The following CNTN5 variants were observed in gnomAD, a reference collection of about 807,000 sequenced individuals.
CNTN5 encodes contactin 5.
CNTN5 carries 77 observed loss-of-function variants against 129.1 expected under a neutral mutation model. The observed-to-expected ratio is 0.60, with a 90% CI of 0.50 to 0.72. The LOEUF (loss-of-function observed/expected upper bound fraction) is 0.72, where lower values mean the gene tolerates loss of function less well. Among genes scored for constraint, CNTN5 ranks in the 30% least tolerant of loss-of-function variants. The pLI, the probability that CNTN5 is intolerant of heterozygous loss-of-function variation, is 0.00. For synonymous variants in CNTN5, 509 were observed against 465.6 expected (o/e 1.09, Z -1.20); for missense variants, 1,478 against 1,328.8 (o/e 1.11, Z -1.75).
At chr11:99,217,011 C>T (rs912824636) in intron 1 of CNTN5, among the ~76,000 whole-genome samples, 12 of 152,118 alleles carry the variant, frequency 7.9e-5, no homozygotes, top group African/African-American at 2.9e-4. Context: ...GGTGAAACTC[C>T]GTCTCTACTA....
At chr11:99,201,022 C>CTTTTTT (rs755605041) in intron 1 of CNTN5, among the ~76,000 whole-genome samples, 4 of 83,168 alleles carry the variant, frequency 4.8e-5, no homozygotes, top group African/African-American at 4.6e-5. Flanking sequence ...TCCTTCCTTC[C>CTTTTTT]TTTTTTTTTT....
At chr11:99,037,530 G>A (rs1184814073) in intron 1 of CNTN5, among the ~76,000 whole-genome samples, 5 of 146,134 alleles carry the variant, frequency 3.4e-5, no homozygotes, top group Non-Finnish European at 6.0e-5. Context: ...ATCATTTTCT[G>A]CCAAAATTAA....
intron 13 of CNTN5, among the ~76,000 whole-genome samples, chr11:100,146,518 C>A (rs1481625283): frequency 6.6e-6 from 1 of 152,062 alleles, no homozygotes; most frequent in Non-Finnish European, 1.5e-5. Context: ...AAGAAACATT[C>A]TCTCATTATT....
intron 7 of CNTN5, among the ~76,000 whole-genome samples, chr11:99,921,221 G>A (rs1949930844): frequency 6.6e-6 from 1 of 152,146 alleles, no homozygotes; most frequent in Non-Finnish European, 1.5e-5. Context: ...CAAAGCCAAA[G>A]TCCCTACCAT....
rs116411412 is a variant in CNTN5 at position 99,614,882 on chromosome 11, T to C, written c.55+58613T>C. Among the ~76,000 whole-genome samples, 468 of 152,080 alleles carry C rather than the reference T, an allele frequency of 3.1e-3. 2 individuals are homozygous for C. The highest frequency in any genetic ancestry group is 9.8e-3 in the African/African-American group (405 of 41,500). ...CCTTTTTCTGTAAGCTTATAATCCT[T>C]ACGATGAACTTTCTCAAGAACAAGG... On this transcript the variant is annotated intron_variant, in intron 3 of 24. Coordinates refer to ENST00000524871, the MANE Select transcript of CNTN5 (RefSeq NM_014361.4).
intron 7 of CNTN5, among the ~76,000 whole-genome samples, chr11:99,954,322 C>A (rs1047011989): frequency 2.0e-5 from 3 of 151,058 alleles, no homozygotes; most frequent in Non-Finnish European, 2.9e-5. Flanking sequence ...CCAAGAACTT[C>A]TAAAACATTT....
At chr11:99,409,856 ATGTGATAT>A (rs11277369) in intron 2 of CNTN5, among the ~76,000 whole-genome samples, 26,000 of 152,110 alleles carry the variant, frequency 0.17, 2,249 homozygotes, top group East Asian at 0.23. Flanking sequence ...AAGAAAAAGG[ATGTGATAT>A]TGGGAAAGGA....
intron 3 of CNTN5, among the ~76,000 whole-genome samples, chr11:99,567,621 G>C (rs1415892388): frequency 6.6e-6 from 1 of 152,068 alleles, no homozygotes; most frequent in African/African-American, 2.4e-5. Flanking sequence ...CAGAAAACAG[G>C]TGCCTGCTAA....
chr11:100,161,607 C>T (rs1947448312), intron 13 of CNTN5, among the ~76,000 whole-genome samples: 1 of 151,658 alleles, frequency 6.6e-6, no homozygotes, highest in Non-Finnish European at 1.5e-5. Context: ...GGAAGAAGTC[C>T]ATGAAGTGGA....
At chr11:99,618,714 G>T (rs898086212) in intron 3 of CNTN5, among the ~76,000 whole-genome samples, 3 of 152,116 alleles carry the variant, frequency 2.0e-5, no homozygotes, top group African/African-American at 7.2e-5. Flanking sequence ...TGGGACTGTT[G>T]CTGATTGTGT....
chr11:99,587,020 T>A (rs1949815079), intron 3 of CNTN5, among the ~76,000 whole-genome samples: 1 of 152,148 alleles, frequency 6.6e-6, no homozygotes, highest in Non-Finnish European at 1.5e-5. Flanking sequence ...AAATCAGAAT[T>A]CAGTTAACAA....
chr11:100,101,541 T>G (rs1945223955), intron 13 of CNTN5, among the ~76,000 whole-genome samples: 1 of 152,128 alleles, frequency 6.6e-6, no homozygotes, highest in Non-Finnish European at 1.5e-5. Flanking sequence ...TGCTTTATCT[T>G]TACTCTAAAC....
intron 2 of CNTN5, among the ~76,000 whole-genome samples, chr11:99,528,719 G>A (rs1947582549): frequency 6.6e-6 from 1 of 152,210 alleles, no homozygotes; most frequent in Non-Finnish European, 1.5e-5. Flanking sequence ...CCAAAGGCCA[G>A]TGAGCTTTAA....
rs189043683 is a variant in CNTN5, at chr11:99,587,979, G to A, written c.55+31710G>A. On this transcript the variant is annotated intron_variant, in intron 3 of 24. Transcript: ENST00000524871. ...GCATAACAAGAGAACAAGAACCTTAGGAAAATATGTGGCCAGTGAGAAAGT... is the reference window on the plus strand; with the variant it reads ...GCATAACAAGAGAACAAGAACCTTAAGAAAATATGTGGCCAGTGAGAAAGT... Among the ~76,000 whole-genome samples, 343 of 152,286 alleles carry A rather than the reference G, an allele frequency of 2.3e-3. 2 individuals are homozygous for A. The highest frequency in any genetic ancestry group is 7.6e-3 in the African/African-American group (315 of 41,568).
At chr11:99,769,729 G>A (rs1944878933) in intron 3 of CNTN5, among the ~76,000 whole-genome samples, 1 of 150,606 alleles carries the variant, frequency 6.6e-6, no homozygotes, top group Non-Finnish European at 1.5e-5. Flanking sequence ...TGGGAGAATT[G>A]CTTTAACCCA....
At chr11:100,289,644 G>T (rs1219656606) in intron 18 of CNTN5, among the ~76,000 whole-genome samples, 1 of 151,846 alleles carries the variant, frequency 6.6e-6, no homozygotes, top group Non-Finnish European at 1.5e-5. Flanking sequence ...CAAACCCACA[G>T]CCAATATCAT....
intron 21 of CNTN5, among the ~76,000 whole-genome samples, chr11:100,321,953 G>C (rs1441532840): frequency 6.6e-6 from 1 of 152,046 alleles, no homozygotes; most frequent in Non-Finnish European, 1.5e-5. Flanking sequence ...ATTTTCTTGA[G>C]GGTTTTTGCA....
intron 3 of CNTN5, among the ~76,000 whole-genome samples, chr11:99,761,730 T>G (rs1944588775): frequency 6.7e-6 from 1 of 149,854 alleles, no homozygotes; most frequent in Non-Finnish European, 1.5e-5. Context: ...AACATACGTG[T>G]GCATGTGTCT....
chr11:99,822,999 C>G (rs1051583846), intron 4 of CNTN5, among the ~76,000 whole-genome samples: 2 of 152,194 alleles, frequency 1.3e-5, no homozygotes, highest in African/African-American at 4.8e-5. Context: ...TGGCCAACAG[C>G]CCAAGAGTAA....
Sources: gnomAD v4.1 joint callset for allele counts (sites outside exome capture counted in the v4.1 genomes callset) on GRCh38, gnomAD v4.1.1 for gene constraint, MANE v1.5 for transcripts, NCBI Gene and HGNC (gene_info 2026-07-23, HGNC 2026-07-21) for gene names.